THNSL1: variants seen among roughly 807,000 people sequenced by gnomAD.
The protein encoded by THNSL1 is threonine synthase-like 1.
THNSL1 carries 48 observed loss-of-function variants against 50.4 expected under a neutral mutation model. That is an observed-to-expected ratio of 0.95 (90% confidence interval 0.76 to 1.21). The LOEUF is 1.21. Among genes scored for constraint, THNSL1 ranks in the 50% most tolerant of loss-of-function variants. The probability of loss-of-function intolerance (pLI) is 0.00; values close to 1 mark genes in which losing one functional copy is unlikely to be tolerated. For synonymous variants in THNSL1, 309 were observed against 306.1 expected (o/e 1.01, Z -0.10); for missense variants, 896 against 871.7 (o/e 1.03, Z -0.35).
chr10:24,992,704 T>A, the THNSL1 span, among the ~76,000 whole-genome samples: 407 of 152,342 alleles, frequency 2.7e-3, 1 homozygote, highest in South Asian at 7.9e-3. Flanking sequence ...CTTTGTTGCT[T>A]TAAGTTACTG....
At chr10:24,978,158 T>C in the THNSL1 span, among the ~76,000 whole-genome samples, 5 of 152,208 alleles carry the variant, frequency 3.3e-5, no homozygotes, top group Non-Finnish European at 5.9e-5. Context: ...GCAGGTATAA[T>C]TGGTATTCAC....
chr10:24,976,203 A>T, the THNSL1 span, among the ~76,000 whole-genome samples: 1 of 152,340 alleles, frequency 6.6e-6, no homozygotes, highest in South Asian at 2.1e-4. Context: ...TACAGTTTGC[A>T]TGGAGAGACG....
Position 25,025,511 on chromosome 10 carries a change from A to G in THNSL1, c.*56A>G. 3.3e-6 allele frequency: 5 copies of G among 1,495,952 alleles called. No individual in the cohort carries two copies. The highest frequency in any genetic ancestry group is 4.5e-6 in the Non-Finnish European group (5 of 1,107,680). 92.7% of individuals were successfully genotyped at this position (1,495,952 alleles called of 1,614,324 possible). ...TATAAGCATGCAATAATAAATCTCAAACACTGATTTGGAGTACAGTAGCAT... is the reference window on the plus strand; with the variant it reads ...TATAAGCATGCAATAATAAATCTCAGACACTGATTTGGAGTACAGTAGCAT... On this transcript the variant is annotated 3_prime_UTR_variant, in exon 3 of 3. Coordinates refer to ENST00000376356, the MANE Select transcript of THNSL1 (RefSeq NM_024838.5).
the THNSL1 span, among the ~76,000 whole-genome samples, chr10:25,009,684 T>TGTGGGAGGGACCCA: frequency 6.6e-6 from 1 of 152,124 alleles, no homozygotes; most frequent in Non-Finnish European, 1.5e-5. Context: ...TCCTATATAT[T>TGTGGGAGGGACCCA]GTGGGAGGGA....
intron 1 of THNSL1, among the ~76,000 whole-genome samples, chr10:25,018,019 C>G (rs1283765342): frequency 1.3e-5 from 2 of 152,158 alleles, no homozygotes; most frequent in Admixed American, 1.3e-4. Flanking sequence ...AAGGGCAAAA[C>G]ATGATTTCTG....
At chr10:24,999,599 T>C in the THNSL1 span, 1 of 1,424,648 alleles carries the variant, frequency 7.0e-7, no homozygotes. Flanking sequence ...AAAAATTACC[T>C]AAAGTTTACT....
chr10:24,999,801 A>T, the THNSL1 span, among the ~76,000 whole-genome samples: 1 of 152,116 alleles, frequency 6.6e-6, no homozygotes, highest in African/African-American at 2.4e-5. Context: ...CATCTGTAGC[A>T]TCGATAGTGA....
the THNSL1 span, among the ~76,000 whole-genome samples, chr10:24,971,938 C>A: frequency 6.6e-6 from 1 of 152,192 alleles, no homozygotes; most frequent in Non-Finnish European, 1.5e-5. Flanking sequence ...CACCTGTAAT[C>A]TCAGTACTTT....
At chr10:25,001,731 T>C in the THNSL1 span, among the ~76,000 whole-genome samples, 1 of 152,186 alleles carries the variant, frequency 6.6e-6, no homozygotes, top group South Asian at 2.1e-4. Flanking sequence ...TCCTTCCATT[T>C]CTTTCCCCAT....
Position 25,024,522 on chromosome 10 carries a change from T to C in THNSL1, c.1299T>C (p.Val433=). 1 of 1,614,180 alleles carries C rather than the reference T, an allele frequency of 6.2e-7. No homozygotes were observed. Among genetic ancestry groups the C allele is most frequent in the South Asian group, 1.1e-5 (1 of 91,080 alleles). Reference sequence around the variant, plus strand: ...GAGAAAATGGATGGGCAGTGGGTGTTGAGTCAGATTTTGATTTTTGCCAGA... The same window carrying C: ...GAGAAAATGGATGGGCAGTGGGTGTCGAGTCAGATTTTGATTTTTGCCAGA... The part of the protein sequence containing the change: ...SQRENGWAVG[V]ESDFDFCQTA... The change falls in exon 3 of 3, where the codon GTT becomes GTC. Residue 433 remains valine (V), a synonymous_variant. Coordinates refer to ENST00000376356, the MANE Select transcript of THNSL1 (RefSeq NM_024838.5).
chr10:24,971,475 C>T, the THNSL1 span, among the ~76,000 whole-genome samples: 1 of 152,138 alleles, frequency 6.6e-6, no homozygotes, highest in Admixed American at 6.5e-5. Flanking sequence ...GGAAAGCCCT[C>T]CCAAGCAATA....
upstream of THNSL1, among the ~76,000 whole-genome samples, chr10:25,014,799 G>C (rs1850528508): frequency 6.6e-6 from 1 of 152,130 alleles, no homozygotes; most frequent in African/African-American, 2.4e-5. Flanking sequence ...ATGTAATACA[G>C]TTACTGCTCT....
At chr10:25,012,060 G>A (rs892031810), upstream of THNSL1, among the ~76,000 whole-genome samples, 6 of 152,226 alleles carry the variant, frequency 3.9e-5, no homozygotes, top group Non-Finnish European at 7.3e-5. Flanking sequence ...AGGGGACAAC[G>A]TAGAGCTCAG....
At chr10:24,968,151 T>C in the THNSL1 span, among the ~76,000 whole-genome samples, 1 of 152,078 alleles carries the variant, frequency 6.6e-6, no homozygotes, top group Non-Finnish European at 1.5e-5. Context: ...TATCTGCAAG[T>C]AAGAGCTTGG....
chr10:24,981,545 T>C, the THNSL1 span, among the ~76,000 whole-genome samples: 9 of 152,142 alleles, frequency 5.9e-5, no homozygotes, highest in Non-Finnish European at 1.2e-4. Context: ...TGTGGGAAAT[T>C]CTATTGATGG....
At chr10:24,985,353 C>T in the THNSL1 span, among the ~76,000 whole-genome samples, 1 of 152,180 alleles carries the variant, frequency 6.6e-6, no homozygotes, top group Non-Finnish European at 1.5e-5. Flanking sequence ...AGACCTAATT[C>T]TGATGTGGAT....
At chr10:24,952,440 C>T in the THNSL1 span, 5 of 1,443,128 alleles carry the variant, frequency 3.5e-6, no homozygotes, top group African/African-American at 1.4e-5. The surrounding 1 kb of genome is among the most constrained non-coding windows in gnomAD (Gnocchi z 5.1). Flanking sequence ...CTCTCTCCCC[C>T]GACGCACGGC....
At chr10:24,970,242 T>C in the THNSL1 span, among the ~76,000 whole-genome samples, 1 of 152,206 alleles carries the variant, frequency 6.6e-6, no homozygotes, top group Non-Finnish European at 1.5e-5. Context: ...CAATTTTTTT[T>C]CCCCATTAAA....
upstream of THNSL1, among the ~76,000 whole-genome samples, chr10:25,016,454 G>A (rs191564268): frequency 6.6e-6 from 1 of 152,230 alleles, no homozygotes; most frequent in Non-Finnish European, 1.5e-5. Context: ...CCCCAATCGC[G>A]GTGTGGGCGG....
Sources: gnomAD v4.1 joint callset for allele counts (sites outside exome capture counted in the v4.1 genomes callset) on GRCh38, gnomAD v4.1.1 for gene constraint, Gnocchi (gnomAD v3.1) non-coding constraint, MANE v1.5 for transcripts, NCBI Gene and HGNC (gene_info 2026-07-23, HGNC 2026-07-21) for gene names.